ANKAR: variants seen among roughly 807,000 people sequenced by gnomAD.
ANKAR encodes the protein ankyrin and armadillo repeat containing.
A neutral mutation model predicts 146.2 loss-of-function variants in ANKAR; 136 were observed. The observed-to-expected ratio is 0.93, with a 90% CI of 0.81 to 1.07. The LOEUF (loss-of-function observed/expected upper bound fraction) is 1.07, where lower values mean the gene tolerates loss of function less well. Among genes scored for constraint, ANKAR ranks in the 50% least tolerant of loss-of-function variants. The probability of loss-of-function intolerance (pLI) is 0.00; values close to 1 mark genes in which losing one functional copy is unlikely to be tolerated. For synonymous variants in ANKAR, 500 were observed against 575.8 expected (o/e 0.87, Z 1.88); for missense variants, 1,567 against 1,679.9 (o/e 0.93, Z 1.18).
chr2:189,720,864 A>G, intron 12 of ANKAR, 77 bp downstream of exon 12: 1 of 1,159,232 alleles, frequency 8.6e-7, no homozygotes, highest in Non-Finnish European at 1.1e-6. Context: ...GACTTGTCCT[A>G]TATGAATAGA....
In ANKAR at chr2:189,677,233, G is replaced by A. The variant is rs2105720219; in HGVS notation, c.601+142G>A. ...CCCAAAGTGCTAGGATTACAGGCAT[G>A]AGCCGCTGCACCTGGCCACTTCTTA... On this transcript the variant is annotated intron_variant, in intron 2 of 22. Transcript: ENST00000684021. 4.2e-6 allele frequency: 3 copies of A among 715,300 alleles called. No homozygotes were observed. The East Asian group carries it at 9.1e-5, about 22-fold the overall frequency. 44.3% of individuals were successfully genotyped at this position (715,300 alleles called of 1,614,324 possible).
At chr2:189,708,521 A>C (rs1214082396) in intron 9 of ANKAR, among the ~76,000 whole-genome samples, 1 of 152,222 alleles carries the variant, frequency 6.6e-6, no homozygotes, top group Non-Finnish European at 1.5e-5. Flanking sequence ...GTATTCAATA[A>C]ATTACATGAG....
chr2:189,733,064 T>G, intron 16 of ANKAR, 43 bp from the exon 17 acceptor site: 2 of 1,568,210 alleles, frequency 1.3e-6, no homozygotes, highest in Non-Finnish European at 8.6e-7. Flanking sequence ...TGTAATTTCA[T>G]AAAGCATAAT....
At position 189,706,974 on chromosome 2, in the gene ANKAR, AGGAGCACT is replaced by A. The variant is rs2039033724; in HGVS notation, c.1951_1958del (p.Ala651HisfsTer11). ...CTCCACTGTTACTTGCTGCCACTTC[AGGAGCACT>A]GGACACTATTCAATACCTGTTTTCT... On this transcript the variant is annotated frameshift_variant, in exon 9 of 23. Coordinates refer to ENST00000684021, the MANE Select transcript of ANKAR (RefSeq NM_001378068.1). LOFTEE classifies it high-confidence loss of function. 6.2e-7 allele frequency: 1 copy of A among 1,613,226 alleles called. No individual in the cohort carries two copies. Among genetic ancestry groups the A allele is most frequent in the African/African-American group, 1.3e-5 (1 of 74,920 alleles).
intron 15 of ANKAR, 23 bp downstream of exon 15, chr2:189,728,844 T>C (rs751273257): frequency 1.3e-6 from 2 of 1,594,968 alleles, no homozygotes; most frequent in South Asian, 2.2e-5. Flanking sequence ...ATTCTCAATT[T>C]CTTAAATATC....
At chr2:189,750,566 G>T, downstream of ANKAR, 2 of 1,482,500 alleles carry the variant, frequency 1.3e-6, no homozygotes, top group Non-Finnish European at 1.9e-6. Flanking sequence ...GGACTTTTTT[G>T]AACAGCAGAA....
At chr2:189,757,388 GT>G (rs2106036491) in intron 18 of ANKAR, among the ~76,000 whole-genome samples, 1 of 152,310 alleles carries the variant, frequency 6.6e-6, no homozygotes, top group African/African-American at 2.4e-5. Context: ...TTTCCATGCT[GT>G]TTCACAATGA....
Position 189,714,764 on chromosome 2 carries a change from G to C in ANKAR, c.2224+3611G>C, listed in dbSNP as rs549358697. Among the ~76,000 whole-genome samples, 3 of 151,748 alleles carry C rather than the reference G, an allele frequency of 2.0e-5. No individual in the cohort carries two copies. The East Asian group carries it at 5.8e-4, about 30-fold the overall frequency. On this transcript the variant is annotated intron_variant, in intron 10 of 22. Coordinates refer to ENST00000684021, the MANE Select transcript of ANKAR (RefSeq NM_001378068.1). ...GATGGAGACAATCCTGGCTAACACA[G>C]TGAAACCCTGTCTCTACTAAAAGTA... is the stretch of plus-strand genomic sequence containing the variant.
chr2:189,716,494 T>C (rs1475548432), intron 10 of ANKAR, among the ~76,000 whole-genome samples: 1 of 152,130 alleles, frequency 6.6e-6, no homozygotes, highest in East Asian at 1.9e-4. Context: ...GAATCAATAT[T>C]GTGAAAATGG....
chr2:189,720,895 A>C, intron 12 of ANKAR, 108 bp downstream of exon 12: 1 of 896,900 alleles, frequency 1.1e-6, no homozygotes, highest in Non-Finnish European at 1.5e-6. Context: ...CTGTGTTTGA[A>C]TAGATCTAAA....
chr2:189,741,508 T>C, intron 20 of ANKAR, 57 bp downstream of exon 20: 1 of 1,314,748 alleles, frequency 7.6e-7, no homozygotes. Context: ...ATAATTTACC[T>C]CTCCCTCTGT....
Position 189,720,656 on chromosome 2 carries a change from A to G in ANKAR, c.2504A>G (p.Asn835Ser). Reference protein sequence around the residue: ...IPSLINLLNLNIENVLVNVMN... With the variant: ...IPSLINLLNLSIENVLVNVMN... ...AGCCTGATAAATCTATTGAACTTAA[A>G]CATAGAAAATGTGCTAGTAAATGTA... is the stretch of plus-strand genomic sequence containing the variant. The change falls in exon 12 of 23, where the codon AAC (asparagine) becomes AGC (serine). Residue 835 changes from asparagine (N) to serine (S), a missense_variant. Coordinates refer to ENST00000684021, the MANE Select transcript of ANKAR (RefSeq NM_001378068.1). 2 of 1,390,556 alleles carry G rather than the reference A, an allele frequency of 1.4e-6. No homozygotes were observed. The highest frequency in any genetic ancestry group is 2.7e-5 in the East Asian group (1 of 36,468). The allele number at this position is 1,390,556 out of a possible 1,614,324, so 86.1% of individuals were successfully genotyped here.
rs542130506 is a variant in ANKAR at position 189,696,174 on chromosome 2, G to A, written c.1513G>A (p.Ala505Thr). The change falls in exon 7 of 23, where the codon GCT (alanine) becomes ACT (threonine). Residue 505 changes from alanine to threonine, a missense_variant. By Grantham distance (58) the Ala-to-Thr change is moderately conservative. Coordinates refer to ENST00000684021, the MANE Select transcript of ANKAR (RefSeq NM_001378068.1). ...CKSIPFGMKS[A>T]VERGLSAVFH... The stretch of plus-strand genomic sequence containing the variant: ...GAGTATTCCATTTGGTATGAAGTCC[G>A]CTGTTGAAAGAGGGTTGTCTGCAGT... 3.2e-5 allele frequency: 52 copies of A among 1,613,902 alleles called. No individual in the cohort carries two copies. Among genetic ancestry groups the A allele is most frequent in the Admixed American group, 1.2e-4 (7 of 59,996 alleles).
intron 3 of ANKAR, among the ~76,000 whole-genome samples, chr2:189,690,296 A>G (rs1023924232): frequency 8.5e-5 from 13 of 152,200 alleles, no homozygotes; most frequent in Non-Finnish European, 1.5e-5. Flanking sequence ...AATTCAGTGT[A>G]CTTCTATTCA....
intron 9 of ANKAR, among the ~76,000 whole-genome samples, chr2:189,708,797 T>G (rs748826054): frequency 3.3e-5 from 5 of 152,194 alleles, no homozygotes; most frequent in Admixed American, 1.3e-4. Flanking sequence ...GTTTCAGGCA[T>G]CCACTGGGGG....
downstream of ANKAR, chr2:189,762,782 C>T (rs530167382): frequency 6.0e-5 from 59 of 985,348 alleles, no homozygotes; most frequent in Non-Finnish European, 3.6e-6. Context: ...AACCTGGCGC[C>T]CGGAAGTGAT....
chr2:189,703,270 G>T (rs1259241550), intron 7 of ANKAR, among the ~76,000 whole-genome samples: 3 of 152,138 alleles, frequency 2.0e-5, no homozygotes, highest in Non-Finnish European at 4.4e-5. Context: ...TTGGATAAGG[G>T]CAAAACAAGA....
intron 7 of ANKAR, among the ~76,000 whole-genome samples, chr2:189,700,072 C>T (rs1301671996): frequency 4.6e-5 from 7 of 151,240 alleles, no homozygotes; most frequent in African/African-American, 1.7e-4. Context: ...GCTCGTCCTT[C>T]CTTTATGTTA....
At chr2:189,702,061 G>A (rs1357838912) in intron 7 of ANKAR, among the ~76,000 whole-genome samples, 1 of 152,038 alleles carries the variant, frequency 6.6e-6, no homozygotes, top group African/African-American at 2.4e-5. Flanking sequence ...TGTCCCTTAG[G>A]CCAGCCAGGA....
Sources: allele counts gnomAD v4.1 joint callset (sites outside exome capture counted in the v4.1 genomes callset), GRCh38; gene constraint gnomAD v4.1.1; transcripts MANE v1.5; gene names NCBI Gene and HGNC (gene_info 2026-07-23, HGNC 2026-07-21).